The following HPCAL1 variants were observed in gnomAD, a reference collection of about 807,000 sequenced individuals.
The protein encoded by HPCAL1 is hippocalcin-like protein 1.
In HPCAL1, 8 loss-of-function variants were observed where a neutral mutation model predicts 17.1. The observed-to-expected ratio is 0.47, with a 90% CI of 0.27 to 0.84. The LOEUF (loss-of-function observed/expected upper bound fraction) is 0.84, where lower values mean the gene tolerates loss of function less well. Among genes scored for constraint, HPCAL1 ranks in the 40% least tolerant of loss-of-function variants. The pLI is 0.13. For missense variants in HPCAL1, 165 were observed against 271.1 expected, an observed-to-expected ratio of 0.61 and a Z score of 2.75; for synonymous variants, 112 against 111.4, an observed-to-expected ratio of 1.01 and a Z score of -0.03.
At chr2:10,341,302 A>G (rs1228917375) in intron 1 of HPCAL1, among the ~76,000 whole-genome samples, 1 of 152,006 alleles carries the variant, frequency 6.6e-6, no homozygotes, top group Non-Finnish European at 1.5e-5. Context: ...TCTACAAAAA[A>G]ATACAAAAAT....
At chr2:10,421,926 C>G (rs148700211) in intron 3 of HPCAL1, among the ~76,000 whole-genome samples, 7 of 152,302 alleles carry the variant, frequency 4.6e-5, no homozygotes, top group South Asian at 2.1e-4. Flanking sequence ...ACTGTCGTCA[C>G]TTTCTGGCTC....
At chr2:10,379,783 C>G (rs1216297076) in intron 1 of HPCAL1, among the ~76,000 whole-genome samples, 1 of 152,194 alleles carries the variant, frequency 6.6e-6, no homozygotes, top group African/African-American at 2.4e-5. Context: ...GCTTTGCACT[C>G]TGGTTTAAGT....
At chr2:10,400,509 CGGGCATCTCAGA>C (rs1253934972) in intron 2 of HPCAL1, among the ~76,000 whole-genome samples, 1 of 152,198 alleles carries the variant, frequency 6.6e-6, no homozygotes, top group Non-Finnish European at 1.5e-5. Context: ...GGATCCCAGG[CGGGCATCTCAGA>C]GAGCCATCTG....
intron 1 of HPCAL1, among the ~76,000 whole-genome samples, chr2:10,386,855 G>T (rs568913379): frequency 2.0e-5 from 3 of 152,312 alleles, no homozygotes; most frequent in African/African-American, 7.2e-5. Context: ...GCACGGCATT[G>T]CTTAATTTCA....
intron 1 of HPCAL1, among the ~76,000 whole-genome samples, chr2:10,370,478 C>T (rs1667135459): frequency 6.6e-6 from 1 of 152,200 alleles, no homozygotes; most frequent in African/African-American, 2.4e-5. Context: ...TAGTTGGATG[C>T]AGGTAGGAAG....
chr2:10,370,698 G>T (rs1018891465), intron 1 of HPCAL1, among the ~76,000 whole-genome samples: 1 of 152,248 alleles, frequency 6.6e-6, no homozygotes, highest in Non-Finnish European at 1.5e-5. Flanking sequence ...TCTGCCAGGG[G>T]TGTGTTTTGG....
chr2:10,337,606 C>T (rs115257835), intron 1 of HPCAL1, among the ~76,000 whole-genome samples: 133 of 152,290 alleles, frequency 8.7e-4, no homozygotes, highest in Non-Finnish European at 1.5e-3. Context: ...GACAAGGTGC[C>T]TGAGGCTCAG....
intron 2 of HPCAL1, among the ~76,000 whole-genome samples, chr2:10,408,940 G>T (rs1467950094): frequency 6.6e-6 from 1 of 152,174 alleles, no homozygotes; most frequent in African/African-American, 2.4e-5. Flanking sequence ...CTATGTGATT[G>T]TAACTTTTTC....
rs1294990480 is a variant in HPCAL1 at position 10,331,518 on chromosome 2, G to A, written c.-111+28341G>A. ...AACGGATGCAGCAGCGAGGTTTTCC[G>A]GGGCAGGAACACCCTCCCAGGAGCT... On this transcript the variant is annotated intron_variant, in intron 1 of 4. Transcript: ENST00000307845. The surrounding 1 kb of genome is among the most constrained non-coding windows in gnomAD (Gnocchi z 5.0). 6.6e-6 allele frequency among the ~76,000 whole-genome samples: 1 copy of A among 151,956 alleles called. No individual in the cohort carries two copies. The highest frequency in any genetic ancestry group is 2.1e-4 in the South Asian group (1 of 4,828).
chr2:10,325,633 G>A (rs1025615558), intron 1 of HPCAL1, among the ~76,000 whole-genome samples: 14 of 152,208 alleles, frequency 9.2e-5, no homozygotes, highest in Non-Finnish European at 1.6e-4. Context: ...TCCCCACACC[G>A]GGCCAGAGCT....
intron 1 of HPCAL1, among the ~76,000 whole-genome samples, chr2:10,378,223 G>GTTTTTTTTTT (rs58697364): frequency 2.1e-5 from 2 of 96,252 alleles, no homozygotes; most frequent in African/African-American, 4.2e-5. Context: ...GTGGTTTCAT[G>GTTTTTTTTTT]TTTTTTTTTT....
chr2:10,423,349 T>A, intron 4 of HPCAL1: 1 of 476,648 alleles, frequency 2.1e-6, no homozygotes, highest in East Asian at 3.8e-5. Context: ...ACTTATAGAA[T>A]CGGGCATACC....
chr2:10,397,378 G>T (rs1239284611), intron 2 of HPCAL1, among the ~76,000 whole-genome samples: 1 of 152,058 alleles, frequency 6.6e-6, no homozygotes, highest in Non-Finnish European at 1.5e-5. Context: ...CATGGTCAGG[G>T]CCACTCAGCC....
At chr2:10,320,452 GC>G (rs1330576234) in intron 1 of HPCAL1, among the ~76,000 whole-genome samples, 4 of 152,168 alleles carry the variant, frequency 2.6e-5, no homozygotes, top group Admixed American at 2.0e-4. Context: ...TTCTGCTCCA[GC>G]CATGTAGGAC....
intron 1 of HPCAL1, chr2:10,368,945 A>G (rs768396186): frequency 2.6e-5 from 4 of 152,194 alleles, no homozygotes; most frequent in Non-Finnish European, 5.9e-5. Context: ...ATCTAAACCG[A>G]GTGGGGAGGG....
chr2:10,401,322 C>T (rs1174141364), intron 2 of HPCAL1, among the ~76,000 whole-genome samples: 1 of 152,236 alleles, frequency 6.6e-6, no homozygotes, highest in Non-Finnish European at 1.5e-5. Context: ...CTAGAATATT[C>T]TTGGACTTCT....
intron 2 of HPCAL1, among the ~76,000 whole-genome samples, chr2:10,401,338 C>G (rs1006737355): frequency 1.1e-4 from 17 of 152,152 alleles, no homozygotes; most frequent in African/African-American, 3.9e-4. Flanking sequence ...CTTCTCAGAC[C>G]CCATGTGCAA....
intron 1 of HPCAL1, among the ~76,000 whole-genome samples, chr2:10,391,612 C>T (rs1253091867): frequency 2.0e-5 from 3 of 152,184 alleles, no homozygotes; most frequent in East Asian, 3.8e-4. Context: ...CCTGCTAGCC[C>T]CTCTTTCCCC....
rs11556258 is a variant in HPCAL1, at chr2:10,302,947, G to C, written c.-341G>C. The C allele has an allele frequency of 1.3e-5, 2 of 152,072 alleles. No individual in the cohort carries two copies. The highest frequency in any genetic ancestry group is 2.9e-5 in the Non-Finnish European group (2 of 68,140). 9.4% of individuals were successfully genotyped at this position (152,072 alleles called of 1,614,324 possible). On this transcript the variant is annotated 5_prime_UTR_variant, in exon 1 of 5. Coordinates refer to ENST00000307845, the MANE Select transcript of HPCAL1 (RefSeq NM_002149.4). The stretch of plus-strand genomic sequence containing the variant: ...GCGGGCAGCGGACGGGCGGACTGAC[G>C]GGCGCCTCCACCTTGCTCCCTCCCT...
Sources: allele counts gnomAD v4.1 joint callset (sites outside exome capture counted in the v4.1 genomes callset), GRCh38; gene constraint gnomAD v4.1.1; non-coding constraint Gnocchi (gnomAD v3.1); transcripts MANE v1.5; gene names NCBI Gene and HGNC (gene_info 2026-07-23, HGNC 2026-07-21).